The following CERS6 variants were observed in gnomAD, a reference collection of about 807,000 sequenced individuals.
The protein encoded by CERS6 is LAG1 homolog, ceramide synthase 6.
A neutral mutation model predicts 56.8 loss-of-function variants in CERS6; 26 were observed. The ratio of observed to expected loss-of-function variants is 0.46; its 90% CI spans 0.34 to 0.63. CERS6 has a LOEUF of 0.63. Ranked by LOEUF, CERS6 falls within the 30% of genes least tolerant of loss-of-function variation. CERS6 has a pLI of 0.01. For missense variants in CERS6, 415 were observed against 467.5 expected (o/e 0.89, Z 1.04); for synonymous variants, 164 against 173.3 (o/e 0.95, Z 0.42).
At chr2:168,558,817 A>G (rs1369105519) in intron 2 of CERS6, among the ~76,000 whole-genome samples, 1 of 152,152 alleles carries the variant, frequency 6.6e-6, no homozygotes, top group Non-Finnish European at 1.5e-5. Flanking sequence ...TGCAGTGAGC[A>G]GAGATTGCAC....
intron 3 of CERS6, among the ~76,000 whole-genome samples, chr2:168,567,367 A>C (rs1055206130): frequency 6.6e-6 from 1 of 152,220 alleles, no homozygotes; most frequent in African/African-American, 2.4e-5. Context: ...CTTTTCCTAT[A>C]AATGGCCATG....
At chr2:168,667,070 TA>T (rs575628156) in intron 4 of CERS6, among the ~76,000 whole-genome samples, 41 of 152,338 alleles carry the variant, frequency 2.7e-4, no homozygotes, top group African/African-American at 9.4e-4. Context: ...ATGACATGGA[TA>T]AGGCTCCTCT....
chr2:168,512,860 G>T (rs754647430), intron 1 of CERS6, among the ~76,000 whole-genome samples: 20 of 151,900 alleles, frequency 1.3e-4, no homozygotes, highest in Non-Finnish European at 2.8e-4. Flanking sequence ...TAGAGATGGG[G>T]TTTCACCATG....
chr2:168,462,186 T>G (rs1693791795), intron 1 of CERS6, among the ~76,000 whole-genome samples: 1 of 152,210 alleles, frequency 6.6e-6, no homozygotes, highest in African/African-American at 2.4e-5. Context: ...CTTTCAAAAT[T>G]TTATTATTTT....
chr2:168,476,990 C>A (rs549499354), intron 1 of CERS6, among the ~76,000 whole-genome samples: 49 of 152,152 alleles, frequency 3.2e-4, no homozygotes, highest in South Asian at 1.9e-3. Context: ...TGACAAAATA[C>A]CATAGACTGG....
chr2:168,725,131 G>T (rs980561000), intron 8 of CERS6, among the ~76,000 whole-genome samples: 1 of 152,236 alleles, frequency 6.6e-6, no homozygotes, highest in Non-Finnish European at 1.5e-5. Flanking sequence ...CTCCGCAGCC[G>T]CTGGCCCGGG....
At position 168,724,050 on chromosome 2, in the gene CERS6, T is replaced by C. The variant is rs538757643; in HGVS notation, c.845+6072T>C. On this transcript the variant is annotated intron_variant, in intron 8 of 9. Coordinates refer to ENST00000305747, the MANE Select transcript of CERS6 (RefSeq NM_203463.3). Reference sequence around the variant, plus strand: ...TTCTTGGTCTCACTGACTTCAAGAATGAAGCCGCGGACCCTTGCGGTGAGT... The same window carrying C: ...TTCTTGGTCTCACTGACTTCAAGAACGAAGCCGCGGACCCTTGCGGTGAGT... Among the ~76,000 whole-genome samples, 4 of 152,346 alleles carry C rather than the reference T, an allele frequency of 2.6e-5. No individual in the cohort carries two copies. In the East Asian group the frequency reaches 7.7e-4, roughly 29 times the overall value.
chr2:168,671,646 C>T (rs1317856119), intron 4 of CERS6, among the ~76,000 whole-genome samples: 10 of 152,128 alleles, frequency 6.6e-5, no homozygotes, highest in African/African-American at 9.7e-5. Flanking sequence ...GGCACAGTAG[C>T]TACATATAAT....
At chr2:168,747,340 T>C (rs1684138588) in intron 8 of CERS6, among the ~76,000 whole-genome samples, 2 of 152,018 alleles carry the variant, frequency 1.3e-5, no homozygotes, top group Admixed American at 1.3e-4. Flanking sequence ...GTTGTGAGAA[T>C]GTTCTCATGT....
chr2:168,501,265 C>T (rs1380359051), intron 1 of CERS6, among the ~76,000 whole-genome samples: 1 of 152,158 alleles, frequency 6.6e-6, no homozygotes, highest in Non-Finnish European at 1.5e-5. Context: ...GATATGTTTA[C>T]CCAGGAGTCA....
At chr2:168,509,635 A>G (rs544939588) in intron 1 of CERS6, among the ~76,000 whole-genome samples, 5 of 152,340 alleles carry the variant, frequency 3.3e-5, no homozygotes, top group Admixed American at 3.3e-4. Context: ...CTTGTGGTCT[A>G]TATATTCTAA....
At chr2:168,631,700 T>A (rs1481210915) in intron 4 of CERS6, among the ~76,000 whole-genome samples, 8 of 116,814 alleles carry the variant, frequency 6.8e-5, no homozygotes, top group Non-Finnish European at 1.3e-4. Flanking sequence ...TATATTTAAT[T>A]TATATTTATA....
At chr2:168,757,537 AAGAG>A (rs1217834005) in intron 8 of CERS6, among the ~76,000 whole-genome samples, 1 of 152,088 alleles carries the variant, frequency 6.6e-6, no homozygotes, top group Non-Finnish European at 1.5e-5. Context: ...TGCTAAATGA[AAGAG>A]AGATTATTTG....
chr2:168,672,267 A>G lies in CERS6; in HGVS notation c.466-18767A>G, dbSNP rs549832433. On this transcript the variant is annotated intron_variant, in intron 4 of 9. Transcript: ENST00000305747. Reference sequence around the variant, plus strand: ...TTTTCCAACATTGCCAGTTTCTAGTACAGTAATAATCTTGTTTTTCAGTTG... The same window carrying G: ...TTTTCCAACATTGCCAGTTTCTAGTGCAGTAATAATCTTGTTTTTCAGTTG... 3.9e-5 allele frequency among the ~76,000 whole-genome samples: 6 copies of G among 152,336 alleles called. No individual in the cohort carries two copies. In the South Asian group the frequency reaches 1.2e-3, roughly 32 times the overall value.
intron 8 of CERS6, among the ~76,000 whole-genome samples, chr2:168,730,811 A>C (rs1261292025): frequency 1.3e-5 from 2 of 152,204 alleles, no homozygotes; most frequent in Non-Finnish European, 2.9e-5. Flanking sequence ...CATGCATTAA[A>C]GAGACATTGC....
At chr2:168,536,938 T>C (rs547194471) in intron 1 of CERS6, among the ~76,000 whole-genome samples, 1 of 152,276 alleles carries the variant, frequency 6.6e-6, no homozygotes, top group Admixed American at 6.5e-5. Flanking sequence ...AGAATTTTGA[T>C]GGGCAATAAA....
chr2:168,547,738 G>A (rs374891841), intron 2 of CERS6, 37 bp downstream of exon 2: 20 of 1,355,418 alleles, frequency 1.5e-5, no homozygotes, highest in Admixed American at 3.4e-5. Flanking sequence ...GATTGTCCCC[G>A]GTCACCATTC....
chr2:168,581,376 C>G (rs1683405930), intron 3 of CERS6, among the ~76,000 whole-genome samples: 1 of 152,100 alleles, frequency 6.6e-6, no homozygotes, highest in Non-Finnish European at 1.5e-5. Context: ...TTAAATATTG[C>G]TGCTTCTCTA....
intron 7 of CERS6, 30 bp from the exon 8 acceptor site, chr2:168,717,842 A>G (rs372991860): frequency 7.2e-6 from 11 of 1,528,096 alleles, no homozygotes; most frequent in Admixed American, 5.1e-5. Flanking sequence ...GTTTAACTAC[A>G]TTAATATATC....
Sources: allele counts gnomAD v4.1 joint callset (sites outside exome capture counted in the v4.1 genomes callset), GRCh38; gene constraint gnomAD v4.1.1; transcripts MANE v1.5; gene names NCBI Gene and HGNC (gene_info 2026-07-23, HGNC 2026-07-21).